Variants in GLIS3 observed in about 807,000 individuals in gnomAD.
GLIS3 encodes GLIS family zinc finger 3, also known as zinc finger protein GLIS3.
In GLIS3, 53 loss-of-function variants were observed where a neutral mutation model predicts 78.6. That is an observed-to-expected ratio of 0.67 (90% CI 0.54 to 0.85). GLIS3 has a LOEUF of 0.85. GLIS3 is among the 40% of genes least tolerant of loss of function. The probability of loss-of-function intolerance (pLI) is 0.00; values close to 1 mark genes in which losing one functional copy is unlikely to be tolerated. For missense variants in GLIS3, 1,703 were observed against 1,231.1 expected, an observed-to-expected ratio of 1.38 and a Z score of -5.74; for synonymous variants, 684 against 509.9, an observed-to-expected ratio of 1.34 and a Z score of -4.60.
At chr9:4,352,113 T>G (rs1817979102), upstream of GLIS3, among the ~76,000 whole-genome samples, 2 of 152,226 alleles carry the variant, frequency 1.3e-5, no homozygotes, top group Admixed American at 1.3e-4. Context: ...GATGGAAAAG[T>G]AGATTTCTGT....
chr9:4,265,119 C>G (rs1303563042), intron 2 of GLIS3, among the ~76,000 whole-genome samples: 1 of 150,658 alleles, frequency 6.6e-6, no homozygotes, highest in East Asian at 2.0e-4. Flanking sequence ...TTGCAGTGAG[C>G]CGAGATCACG....
At chr9:3,878,995 A>G (rs1318952722) in intron 8 of GLIS3, among the ~76,000 whole-genome samples, 1 of 152,118 alleles carries the variant, frequency 6.6e-6, no homozygotes, top group Non-Finnish European at 1.5e-5. Flanking sequence ...CCTTTGTGAG[A>G]CAGATATTAA....
chr9:3,898,285 T>G, intron 7 of GLIS3: 1 of 268,672 alleles, frequency 3.7e-6, no homozygotes, highest in South Asian at 4.3e-5. Context: ...AAAATTTCCT[T>G]AGAGACCTGG....
the GLIS3 span, among the ~76,000 whole-genome samples, chr9:4,392,676 A>C: frequency 6.6e-6 from 1 of 152,178 alleles, no homozygotes. Flanking sequence ...TGAAGTATTA[A>C]AACTAAGGGA....
At chr9:4,363,348 C>T in the GLIS3 span, among the ~76,000 whole-genome samples, 2 of 152,126 alleles carry the variant, frequency 1.3e-5, no homozygotes, top group African/African-American at 2.4e-5. Context: ...GCTTGAATCC[C>T]TGAGGCAGAG....
At chr9:4,447,723 A>C in the GLIS3 span, among the ~76,000 whole-genome samples, 1 of 152,096 alleles carries the variant, frequency 6.6e-6, no homozygotes, top group African/African-American at 2.4e-5. Context: ...AGATGGCTTC[A>C]TGGAGGACAA....
intron 4 of GLIS3, among the ~76,000 whole-genome samples, chr9:3,992,073 G>T (rs189307409): frequency 6.6e-6 from 1 of 152,116 alleles, no homozygotes; most frequent in African/African-American, 2.4e-5. Flanking sequence ...ATAATATAGA[G>T]TAAGTAAGAA....
At chr9:4,214,462 A>G (rs973622319) in intron 2 of GLIS3, among the ~76,000 whole-genome samples, 2 of 152,204 alleles carry the variant, frequency 1.3e-5, no homozygotes, top group South Asian at 2.1e-4. Context: ...TTCACCCCAC[A>G]TTGACTGAGA....
At chr9:4,008,027 A>G (rs1368185996) in intron 4 of GLIS3, among the ~76,000 whole-genome samples, 2 of 151,978 alleles carry the variant, frequency 1.3e-5, no homozygotes, top group Non-Finnish European at 2.9e-5. Flanking sequence ...CTCTGCACCT[A>G]AGCTCCCCCT....
intron 4 of GLIS3, among the ~76,000 whole-genome samples, chr9:4,045,377 C>T (rs906705855): frequency 1.3e-5 from 2 of 152,152 alleles, no homozygotes; most frequent in South Asian, 4.1e-4. Context: ...GCTCTATCAC[C>T]CAGGCTGGAG....
chr9:3,999,144 A>T (rs1196409457), intron 4 of GLIS3, among the ~76,000 whole-genome samples: 1 of 152,144 alleles, frequency 6.6e-6, no homozygotes, highest in Non-Finnish European at 1.5e-5. Context: ...CATAGTATTC[A>T]ACTGTATGGC....
At chr9:3,849,342 C>G (rs189707681) in intron 9 of GLIS3, among the ~76,000 whole-genome samples, 3 of 152,196 alleles carry the variant, frequency 2.0e-5, no homozygotes, top group Admixed American at 6.5e-5. Flanking sequence ...TGAACGGAAT[C>G]TCCGTTTTGT....
At chr9:3,860,180 CAGG>C (rs1820093417) in intron 8 of GLIS3, among the ~76,000 whole-genome samples, 1 of 141,080 alleles carries the variant, frequency 7.1e-6, no homozygotes, top group Non-Finnish European at 1.5e-5. Flanking sequence ...GAGGCTGAGG[CAGG>C]AGAATGGCGT....
chr9:3,868,821 ACAACAC>A (rs1820778079), intron 8 of GLIS3, among the ~76,000 whole-genome samples: 3 of 404 alleles, frequency 7.4e-3, no homozygotes, highest in Admixed American at 0.062. Flanking sequence ...GCTTTTGTAT[ACAACAC>A]TTGTTGTACA....
At chr9:4,309,302 A>G (rs147267479) in intron 3 of GLIS3, among the ~76,000 whole-genome samples, 1 of 152,376 alleles carries the variant, frequency 6.6e-6, no homozygotes, top group Admixed American at 6.5e-5. Flanking sequence ...AAAAATATAT[A>G]TAACCTGTCA....
chr9:4,245,118 G>C (rs1432578456), intron 2 of GLIS3, among the ~76,000 whole-genome samples: 1 of 152,164 alleles, frequency 6.6e-6, no homozygotes, highest in Non-Finnish European at 1.5e-5. Context: ...AGGTATGTAT[G>C]TATCACAGAT....
chr9:3,839,336 A>C (rs1253730543), intron 9 of GLIS3, among the ~76,000 whole-genome samples: 1 of 152,218 alleles, frequency 6.6e-6, no homozygotes. Flanking sequence ...GGGCAGCAGA[A>C]TGAAAACAGC....
At chr9:4,090,966 G>C (rs780822204) in intron 4 of GLIS3, among the ~76,000 whole-genome samples, 2 of 152,130 alleles carry the variant, frequency 1.3e-5, no homozygotes, top group Non-Finnish European at 2.9e-5. Flanking sequence ...TAAGTTCCTT[G>C]AGCAATGTAT....
chr9:4,326,330 T>A (rs1481406741), intron 2 of GLIS3, among the ~76,000 whole-genome samples: 3 of 152,122 alleles, frequency 2.0e-5, no homozygotes, highest in Non-Finnish European at 4.4e-5. Flanking sequence ...GATAAATGGA[T>A]AAACAAAATG....
Sources: allele counts gnomAD v4.1 joint callset (sites outside exome capture counted in the v4.1 genomes callset), GRCh38; gene constraint gnomAD v4.1.1; transcripts MANE v1.5; gene names NCBI Gene and HGNC (gene_info 2026-07-23, HGNC 2026-07-21).